Variants in CDC14B observed in about 807,000 individuals in gnomAD.
CDC14B encodes dual specificity protein phosphatase CDC14B.
A neutral mutation model predicts 64.2 loss-of-function variants in CDC14B; 22 were observed. That is an observed-to-expected ratio of 0.34 (90% CI 0.24 to 0.49). The LOEUF is 0.49. Among genes scored for constraint, CDC14B ranks in the 20% least tolerant of loss-of-function variants. The probability of loss-of-function intolerance (pLI) is 0.99; values close to 1 mark genes in which losing one functional copy is unlikely to be tolerated. For missense variants in CDC14B, 498 were observed against 629.9 expected, an observed-to-expected ratio of 0.79 and a Z score of 2.24; for synonymous variants, 191 against 215.8, an observed-to-expected ratio of 0.89 and a Z score of 1.01.
intron 5 of CDC14B, among the ~76,000 whole-genome samples, chr9:96,545,285 A>G (rs546704329): frequency 8.3e-4 from 126 of 152,130 alleles, no homozygotes; most frequent in African/African-American, 2.9e-3. Context: ...TTGGATCCCA[A>G]TGATTTTAAC....
At chr9:96,606,785 C>T (rs1269677925) in intron 1 of CDC14B, among the ~76,000 whole-genome samples, 2 of 152,006 alleles carry the variant, frequency 1.3e-5, no homozygotes, top group Admixed American at 6.6e-5. Context: ...AGACTGGTCT[C>T]GAACTCTCGA....
In CDC14B at chr9:96,572,568, G is replaced by C. The variant is rs1450920857; in HGVS notation, c.161-7085C>G. On this transcript the variant is annotated intron_variant, in intron 1 of 13. Transcript: ENST00000375241. Reference sequence around the variant, plus strand: ...ACAACCTAAGAGATAAAAAATCTAGGAAGGCTATGAACACTCAATTCAGAA... The same window carrying C: ...ACAACCTAAGAGATAAAAAATCTAGCAAGGCTATGAACACTCAATTCAGAA... 2.6e-5 allele frequency among the ~76,000 whole-genome samples: 4 copies of C among 152,158 alleles called. No homozygotes were observed. The East Asian group carries it at 7.7e-4, about 29-fold the overall frequency.
intron 1 of CDC14B, among the ~76,000 whole-genome samples, chr9:96,615,930 C>A (rs1321942885): frequency 6.6e-6 from 1 of 152,208 alleles, no homozygotes; most frequent in East Asian, 1.9e-4. Flanking sequence ...TACATTGATG[C>A]TACTGCAGCC....
chr9:96,560,761 T>C (rs1178519271), intron 4 of CDC14B, among the ~76,000 whole-genome samples: 1 of 144,316 alleles, frequency 6.9e-6, no homozygotes, highest in African/African-American at 2.5e-5. Context: ...TACTCAAACT[T>C]TTTTTTTTTT....
chr9:96,594,236 C>A (rs767691974), intron 1 of CDC14B, among the ~76,000 whole-genome samples: 1 of 152,198 alleles, frequency 6.6e-6, no homozygotes, highest in Non-Finnish European at 1.5e-5. Flanking sequence ...CAGAACCTGG[C>A]AGATGCCCTG....
At chr9:96,507,981 C>T (rs895742813) in intron 13 of CDC14B, among the ~76,000 whole-genome samples, 3 of 151,806 alleles carry the variant, frequency 2.0e-5, no homozygotes, top group African/African-American at 7.3e-5. Context: ...ATATAGTATA[C>T]TTACGCTTAC....
intron 7 of CDC14B, among the ~76,000 whole-genome samples, chr9:96,536,711 A>T (rs1225129865): frequency 6.6e-6 from 1 of 152,210 alleles, no homozygotes; most frequent in Non-Finnish European, 1.5e-5. Context: ...TGAGGATTCA[A>T]GATGCTGCCA....
chr9:96,584,508 A>C (rs373064771), intron 1 of CDC14B, among the ~76,000 whole-genome samples: 5 of 150,058 alleles, frequency 3.3e-5, no homozygotes, highest in South Asian at 4.1e-4. Context: ...CTTTCAGCAG[A>C]TAAGATATTC....
chr9:96,581,515 TAAAAATTA>T (rs1366967339), intron 1 of CDC14B, among the ~76,000 whole-genome samples: 2 of 137,228 alleles, frequency 1.5e-5, no homozygotes, highest in Non-Finnish European at 2.9e-5. Context: ...AAAATTAATT[TAAAAATTA>T]AAAAATTAAA....
intron 12 of CDC14B, among the ~76,000 whole-genome samples, chr9:96,513,239 C>T (rs150827658): frequency 3.1e-4 from 47 of 152,292 alleles, no homozygotes; most frequent in African/African-American, 1.1e-3. Flanking sequence ...CCACGGAAGA[C>T]TCCAGTTATT....
intron 1 of CDC14B, among the ~76,000 whole-genome samples, chr9:96,573,575 C>T (rs977979460): frequency 2.0e-5 from 3 of 151,990 alleles, no homozygotes; most frequent in Admixed American, 6.6e-5. Context: ...AAATGCAATT[C>T]GAATCAAAAT....
intron 13 of CDC14B, among the ~76,000 whole-genome samples, chr9:96,494,193 C>T (rs1262917649): frequency 6.6e-6 from 1 of 152,236 alleles, no homozygotes; most frequent in Non-Finnish European, 1.5e-5. Context: ...GATTCAGTCC[C>T]TGAGCCCCAC....
intron 12 of CDC14B, among the ~76,000 whole-genome samples, chr9:96,514,065 A>G (rs976722914): frequency 4.6e-5 from 7 of 152,236 alleles, no homozygotes; most frequent in African/African-American, 1.7e-4. Flanking sequence ...TTTGCTTCTC[A>G]AAATTCCAAA....
chr9:96,605,448 C>T (rs935495790), intron 1 of CDC14B, among the ~76,000 whole-genome samples: 1 of 152,196 alleles, frequency 6.6e-6, no homozygotes, highest in African/African-American at 2.4e-5. Context: ...AACTCTGCAG[C>T]GTGTGTCCTA....
At chr9:96,520,743 G>A (rs915672069) in intron 12 of CDC14B, among the ~76,000 whole-genome samples, 1 of 152,114 alleles carries the variant, frequency 6.6e-6, no homozygotes, top group South Asian at 2.1e-4. Context: ...CAGTTTCCTA[G>A]GGCTTGCAAT....
At chr9:96,498,329 G>A (rs778952356), downstream of CDC14B, among the ~76,000 whole-genome samples, 5 of 152,218 alleles carry the variant, frequency 3.3e-5, no homozygotes, top group Non-Finnish European at 7.3e-5. Flanking sequence ...GTGAGGCTCG[G>A]CCAGCAGATC....
intron 6 of CDC14B, 80 bp downstream of exon 6, chr9:96,541,746 C>G (rs1037247967): frequency 3.2e-6 from 3 of 935,186 alleles, no homozygotes; most frequent in African/African-American, 3.3e-5. Flanking sequence ...ACAAAAAGAT[C>G]TCGGGAAGAA....
intron 7 of CDC14B, among the ~76,000 whole-genome samples, chr9:96,538,346 G>A (rs1839570557): frequency 6.6e-6 from 1 of 152,148 alleles, no homozygotes; most frequent in African/African-American, 2.4e-5. Context: ...AGAAGATGAA[G>A]ACTTGACTTT....
chr9:96,506,293 C>G (rs1834122401), intron 13 of CDC14B, among the ~76,000 whole-genome samples: 1 of 152,156 alleles, frequency 6.6e-6, no homozygotes, highest in Non-Finnish European at 1.5e-5. Flanking sequence ...CACCAATATA[C>G]TAATTCCCTC....
Sources: allele counts gnomAD v4.1 joint callset (sites outside exome capture counted in the v4.1 genomes callset), GRCh38; gene constraint gnomAD v4.1.1; transcripts MANE v1.5; gene names NCBI Gene and HGNC (gene_info 2026-07-23, HGNC 2026-07-21).